PARD3B: variants seen among roughly 807,000 people sequenced by gnomAD.
The protein encoded by PARD3B is par-3 family cell polarity regulator beta, also known as partitioning defective 3 homolog B.
A neutral mutation model predicts 130.2 loss-of-function variants in PARD3B; 103 were observed. That is an observed-to-expected ratio of 0.79 (90% confidence interval 0.67 to 0.93). The LOEUF is 0.93. Among genes scored for constraint, PARD3B ranks in the 40% least tolerant of loss-of-function variants. The pLI, the probability that PARD3B is intolerant of heterozygous loss-of-function variation, is 0.00. For missense variants in PARD3B, 1,609 were observed against 1,499.2 expected, an observed-to-expected ratio of 1.07 and a Z score of -1.21; for synonymous variants, 583 against 553.2, an observed-to-expected ratio of 1.05 and a Z score of -0.76.
At chr2:205,423,289 C>T (rs2047035588) in intron 19 of PARD3B, among the ~76,000 whole-genome samples, 1 of 152,202 alleles carries the variant, frequency 6.6e-6, no homozygotes, top group Non-Finnish European at 1.5e-5. Flanking sequence ...TCACCTCAGG[C>T]TTGGACCCCT....
chr2:205,220,595 A>C (rs1559555540), intron 15 of PARD3B, among the ~76,000 whole-genome samples: 1 of 152,202 alleles, frequency 6.6e-6, no homozygotes, highest in Non-Finnish European at 1.5e-5. Context: ...GCTCATGTCC[A>C]CGTGAAGCTT....
intron 2 of PARD3B, among the ~76,000 whole-genome samples, chr2:204,789,640 T>A (rs996451144): frequency 2.0e-4 from 31 of 152,320 alleles, no homozygotes; most frequent in Middle Eastern, 3.4e-3. Flanking sequence ...GCAATTTTTT[T>A]AAGATGAAAA....
At chr2:204,884,038 C>G (rs1396509177) in intron 2 of PARD3B, among the ~76,000 whole-genome samples, 1 of 152,198 alleles carries the variant, frequency 6.6e-6, no homozygotes, top group Admixed American at 6.5e-5. Flanking sequence ...CACCTGGCCA[C>G]TCTATTTTCT....
intron 10 of PARD3B, among the ~76,000 whole-genome samples, chr2:205,154,813 G>A (rs546778461): frequency 1.2e-4 from 19 of 152,248 alleles, no homozygotes; most frequent in East Asian, 3.9e-4. Context: ...ACCACACACC[G>A]CATGTTCTCA....
intron 21 of PARD3B, among the ~76,000 whole-genome samples, chr2:205,539,306 G>A (rs777735252): frequency 1.3e-5 from 2 of 152,292 alleles, no homozygotes; most frequent in Non-Finnish European, 2.9e-5. Context: ...TGATGTCTGA[G>A]AACATGCTTT....
chr2:204,975,609 G>T (rs1692075162), intron 3 of PARD3B, among the ~76,000 whole-genome samples: 1 of 152,170 alleles, frequency 6.6e-6, no homozygotes, highest in African/African-American at 2.4e-5. Context: ...TTTTTTCACT[G>T]AGTACTGTGT....
At position 205,581,314 on chromosome 2, in the gene PARD3B, C is replaced by T. The variant is rs1433462028; in HGVS notation, c.3260+27911C>T. Among the ~76,000 whole-genome samples the T allele has an allele frequency of 2.4e-5, 3 of 124,892 alleles. No individual in the cohort carries two copies. In the East Asian group the frequency reaches 6.3e-4, roughly 26 times the overall value. 81.9% of individuals were successfully genotyped at this position (124,892 alleles called of 152,430 possible). The stretch of plus-strand genomic sequence containing the variant: ...GATAGATATAGATAGATAGATAGAT[C>T]CTGTCATTTATATCCCTGTCATATA... On this transcript the variant is annotated intron_variant, in intron 22 of 22. Coordinates refer to ENST00000406610, the MANE Select transcript of PARD3B (RefSeq NM_001302769.2).
chr2:204,762,590 CAATT>C (rs1265614826), intron 2 of PARD3B, among the ~76,000 whole-genome samples: 1 of 152,052 alleles, frequency 6.6e-6, no homozygotes, highest in Non-Finnish European at 1.5e-5. Context: ...TTAAAGGTGT[CAATT>C]AAACAGTATG....
intron 22 of PARD3B, among the ~76,000 whole-genome samples, chr2:205,587,520 C>T (rs892229050): frequency 1.3e-5 from 2 of 152,102 alleles, no homozygotes; most frequent in African/African-American, 4.8e-5. Context: ...AAATTCCTGA[C>T]ATGTAAGAAA....
intron 2 of PARD3B, among the ~76,000 whole-genome samples, chr2:204,821,026 C>G (rs565608022): frequency 1.3e-5 from 2 of 152,280 alleles, no homozygotes; most frequent in African/African-American, 2.4e-5. Context: ...AGATTCCTTT[C>G]AAAATATTAC....
chr2:204,833,334 G>T (rs1303528937), intron 2 of PARD3B, among the ~76,000 whole-genome samples: 1 of 152,106 alleles, frequency 6.6e-6, no homozygotes, highest in African/African-American at 2.4e-5. Context: ...TTAAAGAGTA[G>T]CCCCACATTT....
intron 15 of PARD3B, among the ~76,000 whole-genome samples, chr2:205,221,430 T>A (rs189296946): frequency 6.6e-6 from 1 of 152,294 alleles, no homozygotes; most frequent in Non-Finnish European, 1.5e-5. Flanking sequence ...ACACAGTTGA[T>A]GAGCCAGCAG....
intron 1 of PARD3B, among the ~76,000 whole-genome samples, chr2:204,636,382 T>C (rs901756287): frequency 2.1e-4 from 32 of 152,078 alleles, no homozygotes; most frequent in Non-Finnish European, 7.4e-5. Flanking sequence ...GTGTGCTTGG[T>C]GTTCCTAGGC....
intron 4 of PARD3B, among the ~76,000 whole-genome samples, chr2:205,063,283 A>C (rs1006729782): frequency 6.6e-6 from 1 of 152,028 alleles, no homozygotes; most frequent in African/African-American, 2.4e-5. Context: ...AAAGTATCAC[A>C]TGCACCCTCA....
intron 2 of PARD3B, among the ~76,000 whole-genome samples, chr2:204,690,454 C>T (rs1363280252): frequency 6.6e-6 from 1 of 152,086 alleles, no homozygotes; most frequent in Non-Finnish European, 1.5e-5. Flanking sequence ...TAGTCACAAG[C>T]ATCCTTATAA....
At chr2:204,840,150 A>G (rs2044208159) in intron 2 of PARD3B, among the ~76,000 whole-genome samples, 1 of 152,206 alleles carries the variant, frequency 6.6e-6, no homozygotes, top group South Asian at 2.1e-4. Flanking sequence ...GAAGTTACTC[A>G]GTAGAAATAC....
At chr2:205,210,137 G>T (rs565094385) in intron 15 of PARD3B, among the ~76,000 whole-genome samples, 2 of 151,958 alleles carry the variant, frequency 1.3e-5, no homozygotes, top group South Asian at 4.2e-4. Flanking sequence ...AGGCTGCGTT[G>T]GGAGGATCGT....
intron 19 of PARD3B, among the ~76,000 whole-genome samples, chr2:205,415,555 C>T (rs578020999): frequency 2.6e-5 from 4 of 152,256 alleles, no homozygotes; most frequent in African/African-American, 9.6e-5. Context: ...TGCCTAATAT[C>T]ATCAGTGACC....
intron 16 of PARD3B, among the ~76,000 whole-genome samples, chr2:205,290,638 G>C (rs1204941744): frequency 6.6e-6 from 1 of 152,170 alleles, no homozygotes; most frequent in Non-Finnish European, 1.5e-5. Context: ...CAAAGAGATA[G>C]CCATTTCATC....
Sources: allele counts gnomAD v4.1 joint callset (sites outside exome capture counted in the v4.1 genomes callset), GRCh38; gene constraint gnomAD v4.1.1; transcripts MANE v1.5; gene names NCBI Gene and HGNC (gene_info 2026-07-23, HGNC 2026-07-21).